The following ENTPD7 variants were observed in gnomAD, a reference collection of about 807,000 sequenced individuals.
ENTPD7 encodes the protein ectonucleoside triphosphate diphosphohydrolase 7.
Under a neutral mutation model 77.9 loss-of-function variants are expected in ENTPD7, and 53 were observed. The observed-to-expected ratio is 0.68, with a 90% CI of 0.55 to 0.85. ENTPD7 has a LOEUF of 0.85. Among genes scored for constraint, ENTPD7 ranks in the 40% least tolerant of loss-of-function variants. The pLI is 0.00. For synonymous variants in ENTPD7, 248 were observed against 274.9 expected (o/e 0.90, Z 0.97); for missense variants, 636 against 743.7 (o/e 0.86, Z 1.68).
rs1179798199 is a variant in ENTPD7 at position 99,691,605 on chromosome 10, C to T, written c.843+87C>T. On this transcript the variant is annotated intron_variant, in intron 8 of 12. Transcript: ENST00000370489. ...CTGTCTTTGGACTTAGACCAACCTA[C>T]CTGGCTCTAAATATTTGTTCAGATA... The T allele has an allele frequency of 2.8e-6, 4 of 1,433,944 alleles. No individual in the cohort carries two copies. The African/African-American group carries it at 5.7e-5, about 20-fold the overall frequency. 88.8% of individuals were successfully genotyped at this position (1,433,944 alleles called of 1,614,324 possible).
intron 8 of ENTPD7, 116 bp downstream of exon 8, chr10:99,691,634 G>C (rs2035885343): frequency 6.0e-6 from 7 of 1,162,918 alleles, no homozygotes; most frequent in Non-Finnish European, 8.4e-6. Context: ...TCAGATACTT[G>C]CTAGCTTGCG....
Position 99,698,619 on chromosome 10 carries a change from A to G in ENTPD7, c.1096A>G (p.Arg366Gly). Residue 366 changes from arginine to glycine, a missense_variant, in exon 10 of 13, where the codon AGG becomes GGG. Around this residue, in one of 3 missense-constraint regions of ENTPD7, gnomAD observed 486 missense variants for 556.5 expected, o/e 0.87. Transcript: ENST00000370489. ...AGTGGGACTCACAGATGTGGTGGAG[A>G]GGAACAGCCAAGTCTTACATGTCCG... ...LPVGLTDVVE[R>G]NSQVLHVRGR... The G allele has an allele frequency of 6.2e-7, 1 of 1,614,116 alleles. No homozygotes were observed. The highest frequency in any genetic ancestry group is 1.1e-5 in the South Asian group (1 of 91,080).
chr10:99,710,933 C>A lies in ENTPD7; in HGVS notation c.*6250C>A. 1.0e-6 allele frequency: 1 copy of A among 985,266 alleles called. No homozygotes were observed. Among genetic ancestry groups the A allele is most frequent in the Non-Finnish European group, 1.2e-6 (1 of 829,852 alleles). The allele number at this position is 985,266 out of a possible 1,614,324, so 61.0% of individuals were successfully genotyped here. ...AACAATGGACGTAAGTGCAGAGAGA[C>A]CTTTGAAAATATTAAGGGAAATCTA... On this transcript the variant is annotated 3_prime_UTR_variant, in exon 13 of 13. Transcript: ENST00000370489.
intron 5 of ENTPD7, among the ~76,000 whole-genome samples, chr10:99,681,703 C>A (rs2035756070): frequency 1.3e-5 from 2 of 152,124 alleles, no homozygotes; most frequent in South Asian, 4.1e-4. Context: ...CACTTGTTGT[C>A]TTTTGTTTTT....
At position 99,698,563 on chromosome 10, in the gene ENTPD7, C is replaced by A; in HGVS notation, c.1040C>A (p.Pro347His). 6.2e-7 allele frequency: 1 copy of A among 1,614,004 alleles called. No homozygotes were observed. The highest frequency in any genetic ancestry group is 1.7e-5 in the Admixed American group (1 of 60,022). Residue 347 changes from proline to histidine, a missense_variant, in exon 10 of 13, where the codon CCC becomes CAC. Transcript: ENST00000370489. ...CTTGGTCAGAAGACAGGTCTGAGTC[C>A]CGACAATCCATTTCTGGATCCCTGC... Reference protein sequence around the residue: ...RLLGQKTGLSPDNPFLDPCLP... With the variant: ...RLLGQKTGLSHDNPFLDPCLP...
intron 3 of ENTPD7, among the ~76,000 whole-genome samples, chr10:99,666,859 G>T (rs577738652): frequency 1.3e-5 from 2 of 152,130 alleles, no homozygotes; most frequent in Non-Finnish European, 2.9e-5. Flanking sequence ...GGATACTCAC[G>T]GTATACTTTC....
chr10:99,676,885 G>A (rs2035687446), intron 3 of ENTPD7, among the ~76,000 whole-genome samples: 1 of 152,076 alleles, frequency 6.6e-6, no homozygotes. Context: ...CCTACTCTCA[G>A]TAATAATTTA....
intron 6 of ENTPD7, among the ~76,000 whole-genome samples, chr10:99,687,255 C>CTTTT (rs1564631976): frequency 1.6e-4 from 4 of 25,556 alleles, no homozygotes; most frequent in South Asian, 1.9e-3. Context: ...TTCTTTCTTT[C>CTTTT]TTTCTTTTTT....
At chr10:99,665,322 T>C (rs2035536042) in intron 3 of ENTPD7, among the ~76,000 whole-genome samples, 1 of 151,976 alleles carries the variant, frequency 6.6e-6, no homozygotes, top group Non-Finnish European at 1.5e-5. Flanking sequence ...TATTCACTTA[T>C]GTCCCGTAGG....
At chr10:99,667,929 C>CTTTTTTTTTTTTTTTTTTTTTTTTTTT (rs61543336) in intron 3 of ENTPD7, among the ~76,000 whole-genome samples, 1 of 85,548 alleles carries the variant, frequency 1.2e-5, no homozygotes. Flanking sequence ...AAATGATAAT[C>CTTTTTTTTTTTTTTTTTTTTTTTTTTT]TTTTTTTTTT....
In ENTPD7 at chr10:99,709,886, C is replaced by T; in HGVS notation, c.*5203C>T. ...CACACCAGTTGACCATTTTGTTTCT[C>T]TGAAAATCTGAGCAATACGGAGATC... On this transcript the variant is annotated 3_prime_UTR_variant, in exon 13 of 13. Transcript: ENST00000370489. The T allele has an allele frequency of 8.1e-6, 8 of 985,448 alleles. No homozygotes were observed. The highest frequency in any genetic ancestry group is 9.6e-6 in the Non-Finnish European group (8 of 829,916). 61.0% of individuals were successfully genotyped at this position (985,448 alleles called of 1,614,324 possible).
chr10:99,701,119 GGA>G (rs1203035304), intron 11 of ENTPD7, 61 bp downstream of exon 11: 1 of 1,309,800 alleles, frequency 7.6e-7, no homozygotes. Context: ...AGATTATAAT[GGA>G]GAGTGAGCAA....
chr10:99,674,294 T>G (rs930665080), intron 3 of ENTPD7, among the ~76,000 whole-genome samples: 1 of 152,350 alleles, frequency 6.6e-6, no homozygotes, highest in East Asian at 1.9e-4. Flanking sequence ...TTTATAATAG[T>G]ACTAAAATGT....
chr10:99,710,510 G>GT lies in ENTPD7; in HGVS notation c.*5833dup, dbSNP rs887661994. On this transcript the variant is annotated 3_prime_UTR_variant, in exon 13 of 13. Coordinates refer to ENST00000370489, the MANE Select transcript of ENTPD7 (RefSeq NM_020354.5). ...TGCTTTGGGGAGTTGTTAAGACTCT[G>GT]TTTTTTCTACTGCTTCACATTAAAC... 1.4e-5 allele frequency: 14 copies of GT among 985,194 alleles called. No individual in the cohort carries two copies. The highest frequency in any genetic ancestry group is 1.7e-5 in the African/African-American group (1 of 57,198). The allele number at this position is 985,194 out of a possible 1,614,324, so 61.0% of individuals were successfully genotyped here. A position where few individuals can be genotyped will look rare whatever the true frequency, so the allele number is the denominator to read the frequency against.
At chr10:99,687,492 C>G (rs2035830649) in intron 6 of ENTPD7, among the ~76,000 whole-genome samples, 1 of 151,826 alleles carries the variant, frequency 6.6e-6, no homozygotes, top group South Asian at 2.1e-4. Flanking sequence ...GTCTTGATCT[C>G]CTGACCTCGT....
intron 6 of ENTPD7, among the ~76,000 whole-genome samples, chr10:99,687,870 C>T (rs2035834222): frequency 6.6e-6 from 1 of 152,148 alleles, no homozygotes; most frequent in South Asian, 2.1e-4. Context: ...ATGCACTTCT[C>T]ATGACTGCAT....
At chr10:99,672,518 C>G (rs1341474921) in intron 3 of ENTPD7, among the ~76,000 whole-genome samples, 1 of 151,362 alleles carries the variant, frequency 6.6e-6, no homozygotes, top group African/African-American at 2.4e-5. Flanking sequence ...GTTGCTCAGG[C>G]TGGTCTTGAA....
chr10:99,691,222 G>A (rs1173071245), intron 7 of ENTPD7, among the ~76,000 whole-genome samples, 163 bp from the exon 8 acceptor site: 1 of 151,980 alleles, frequency 6.6e-6, no homozygotes, highest in Non-Finnish European at 1.5e-5. Context: ...GAACTCCTCG[G>A]CTCACATAAT....
Position 99,709,208 on chromosome 10 carries a change from A to C in ENTPD7, c.*4525A>C, listed in dbSNP as rs2036311109. On this transcript the variant is annotated 3_prime_UTR_variant, in exon 13 of 13. Coordinates refer to ENST00000370489, the MANE Select transcript of ENTPD7 (RefSeq NM_020354.5). ...CTACCTCATTAAAGAACTTCGTTGT[A>C]ATTCTTGGGCAGTTTCCAGACTCTG... 1 of 985,334 alleles carries C rather than the reference A, an allele frequency of 1.0e-6. No individual in the cohort carries two copies. The highest frequency in any genetic ancestry group is 1.2e-6 in the Non-Finnish European group (1 of 829,932). The allele number at this position is 985,334 out of a possible 1,614,324, so 61.0% of individuals were successfully genotyped here. A position where few individuals can be genotyped will look rare whatever the true frequency, so the allele number is the denominator to read the frequency against.
Sources: allele counts gnomAD v4.1 joint callset (sites outside exome capture counted in the v4.1 genomes callset), GRCh38; gene constraint gnomAD v4.1.1; regional missense constraint gnomAD v4.1.1; transcripts MANE v1.5; gene names NCBI Gene and HGNC (gene_info 2026-07-23, HGNC 2026-07-21).